POLN: variants seen among roughly 807,000 people sequenced by gnomAD.
The protein encoded by POLN is DNA polymerase N.
A neutral mutation model predicts 113.5 loss-of-function variants in POLN; 108 were observed. That is an observed-to-expected ratio of 0.95 (90% CI 0.81 to 1.12). The LOEUF is 1.12. POLN is among the 50% of genes most tolerant of loss of function. POLN has a pLI of 0.00. For missense variants in POLN, 1,097 were observed against 1,077.1 expected (o/e 1.02, Z -0.26); for synonymous variants, 386 against 391.5 (o/e 0.99, Z 0.17).
chr4:2,210,923 TAATAAATAAA>T (rs1733978027), intron 4 of POLN, among the ~76,000 whole-genome samples: 3 of 134,412 alleles, frequency 2.2e-5, no homozygotes, highest in Admixed American at 7.6e-5. Context: ...TCTCAAAACA[TAATAAATAAA>T]TAAATAAATA....
intron 3 of POLN, among the ~76,000 whole-genome samples, chr4:2,227,070 G>A (rs1037033708): frequency 1.3e-5 from 2 of 152,154 alleles, no homozygotes; most frequent in Non-Finnish European, 2.9e-5. Context: ...ACCCCAAACC[G>A]CTTTGAGGGT....
chr4:2,192,472 T>G (rs928443047), intron 7 of POLN, among the ~76,000 whole-genome samples: 5 of 151,910 alleles, frequency 3.3e-5, no homozygotes. Flanking sequence ...CTTGAGTAGC[T>G]AGGATTACAG....
chr4:2,115,800 T>A (rs1170950974), intron 19 of POLN, among the ~76,000 whole-genome samples: 1 of 152,206 alleles, frequency 6.6e-6, no homozygotes, highest in Non-Finnish European at 1.5e-5. Flanking sequence ...CAACTCTAGT[T>A]TTGATTCAGT....
At chr4:2,240,106 C>A in intron 2 of POLN, 1 of 1,614,074 alleles carries the variant, frequency 6.2e-7, no homozygotes, top group South Asian at 1.1e-5. Context: ...GAATTACTTG[C>A]TTTTAAGTGA....
chr4:2,227,816 T>A (rs1560100738), intron 3 of POLN: 1 of 152,204 alleles, frequency 6.6e-6, no homozygotes, highest in African/African-American at 2.4e-5. Context: ...GCCAGAGGCA[T>A]TTCATTATTC....
chr4:2,133,163 AT>A (rs1240198695), intron 16 of POLN, among the ~76,000 whole-genome samples: 13 of 151,400 alleles, frequency 8.6e-5, no homozygotes, highest in African/African-American at 3.2e-4. Context: ...AAAAAAAAAA[AT>A]AACATGCTGT....
intron 3 of POLN, among the ~76,000 whole-genome samples, chr4:2,214,903 A>G (rs1360814142): frequency 7.9e-5 from 12 of 151,324 alleles, no homozygotes; most frequent in Non-Finnish European, 1.6e-4. Flanking sequence ...ATACATATAT[A>G]TGTATATACA....
At chr4:2,200,489 A>G (rs35156351) in intron 5 of POLN, among the ~76,000 whole-genome samples, 4 of 152,186 alleles carry the variant, frequency 2.6e-5, no homozygotes, top group Admixed American at 6.5e-5. Context: ...CACCCCAAAT[A>G]CTGTGTTGGT....
intron 5 of POLN, among the ~76,000 whole-genome samples, chr4:2,201,716 T>C (rs767532722): frequency 6.6e-6 from 1 of 152,164 alleles, no homozygotes; most frequent in Non-Finnish European, 1.5e-5. Context: ...GGGAAATTCA[T>C]TGCAAAAAGA....
At chr4:2,092,318 C>T (rs1176218499) in intron 20 of POLN, among the ~76,000 whole-genome samples, 2 of 152,242 alleles carry the variant, frequency 1.3e-5, no homozygotes, top group African/African-American at 2.4e-5. Context: ...CTCTAGGAGC[C>T]ATAAACACTC....
At chr4:2,133,535 G>A (rs1462710714) in intron 16 of POLN, among the ~76,000 whole-genome samples, 2 of 152,172 alleles carry the variant, frequency 1.3e-5, no homozygotes, top group Non-Finnish European at 2.9e-5. Context: ...AAGCCTGGAG[G>A]CCATTATGCT....
At chr4:2,137,516 G>A (rs1271948337) in intron 16 of POLN, among the ~76,000 whole-genome samples, 3 of 152,204 alleles carry the variant, frequency 2.0e-5, no homozygotes, top group African/African-American at 7.2e-5. Flanking sequence ...CGTGGAGCCT[G>A]ACCTGCAGCC....
chr4:2,230,662 G>T (rs867399461), intron 2 of POLN: 2 of 151,758 alleles, frequency 1.3e-5, no homozygotes, highest in Non-Finnish European at 2.9e-5. Context: ...TTTTCTGATG[G>T]TTATAGCTAA....
intron 19 of POLN, among the ~76,000 whole-genome samples, chr4:2,116,903 T>C: frequency 6.6e-6 from 1 of 152,226 alleles, no homozygotes; most frequent in East Asian, 1.9e-4. Flanking sequence ...CAAAACTCTT[T>C]AATGAAGCAG....
intron 3 of POLN, chr4:2,227,494 T>C (rs1309436606): frequency 6.6e-6 from 1 of 152,218 alleles, no homozygotes; most frequent in Non-Finnish European, 1.5e-5. Flanking sequence ...TTTGTATTAA[T>C]AATGTTATAC....
chr4:2,131,659 G>T (rs976931917), intron 16 of POLN, among the ~76,000 whole-genome samples: 4 of 152,072 alleles, frequency 2.6e-5, no homozygotes, highest in Non-Finnish European at 5.9e-5. Context: ...TTTTATTTTA[G>T]AACACATTTT....
At chr4:2,095,556 C>T (rs777226188) in intron 20 of POLN, among the ~76,000 whole-genome samples, 1 of 152,166 alleles carries the variant, frequency 6.6e-6, no homozygotes, top group Non-Finnish European at 1.5e-5. Context: ...TCGAAGGTCT[C>T]CAAGCACAGC....
At chr4:2,121,215 G>A (rs71614991) in intron 19 of POLN, among the ~76,000 whole-genome samples, 8,512 of 152,020 alleles carry the variant, frequency 0.056, 414 homozygotes, top group Admixed American at 0.14. Flanking sequence ...CAGGTGGATT[G>A]CTTGAGGTCA....
chr4:2,132,781 A>G lies in POLN; in HGVS notation c.1732-1491T>C, dbSNP rs368264886. On this transcript the variant is annotated intron_variant, in intron 16 of 25. Transcript: ENST00000511885. ...GTGAGTGAAAGACATTCTCAGATGA[A>G]TAAAAATTAAAGTACTCTGTCATCT... Among the ~76,000 whole-genome samples the G allele has an allele frequency of 6.6e-5, 10 of 152,234 alleles. No homozygotes were observed. In the South Asian group the frequency reaches 1.9e-3, roughly 28 times the overall value.
Sources: allele counts gnomAD v4.1 joint callset (sites outside exome capture counted in the v4.1 genomes callset), GRCh38; gene constraint gnomAD v4.1.1; transcripts MANE v1.5; gene names NCBI Gene and HGNC (gene_info 2026-07-23, HGNC 2026-07-21).